Variants in CCNL2 observed in about 807,000 individuals in gnomAD.
CCNL2 encodes the protein cyclin-L2.
A neutral mutation model predicts 59.1 loss-of-function variants in CCNL2; 28 were observed. That is an observed-to-expected ratio of 0.47 (90% CI 0.35 to 0.65). CCNL2 has a LOEUF of 0.65. CCNL2 is among the 30% of genes least tolerant of loss of function. The probability of loss-of-function intolerance (pLI) is 0.00; values close to 1 mark genes in which losing one functional copy is unlikely to be tolerated. For synonymous variants in CCNL2, 342 were observed against 288.6 expected (o/e 1.19, Z -1.88); for missense variants, 714 against 717.4 (o/e 1.00, Z 0.05).
chr1:1,391,103 G>C, intron 5 of CCNL2: 1 of 1,167,394 alleles, frequency 8.6e-7, no homozygotes, highest in Non-Finnish European at 1.1e-6. Flanking sequence ...AAAAAAAAAA[G>C]CTGGCTGAAT....
chr1:1,398,520 T>C, intron 2 of CCNL2, 77 bp downstream of exon 2: 2 of 1,581,668 alleles, frequency 1.3e-6, no homozygotes, highest in Non-Finnish European at 1.7e-6. Context: ...CTCACTCCCT[T>C]AGTAACCGGG....
chr1:1,395,299 C>T, intron 4 of CCNL2, 95 bp downstream of exon 4: 1 of 1,425,220 alleles, frequency 7.0e-7, no homozygotes, highest in Non-Finnish European at 9.7e-7. Context: ...GCACTCAGTC[C>T]TCTTCAGAGC....
chr1:1,398,149 G>A, intron 3 of CCNL2, 84 bp downstream of exon 3: 1 of 1,299,020 alleles, frequency 7.7e-7, no homozygotes, highest in Non-Finnish European at 1.1e-6. Flanking sequence ...GGCCTGTATT[G>A]TGTTATACAA....
chr1:1,391,573 G>C (rs1361162802), intron 5 of CCNL2: 2 of 1,304,730 alleles, frequency 1.5e-6, no homozygotes, highest in Non-Finnish European at 2.0e-6. Flanking sequence ...TTCAACAAGG[G>C]GTCTTAAAAT....
rs80254624 is a variant in CCNL2 at position 1,387,841 on chromosome 1, G to A, written c.1147C>T (p.Arg383Trp). ...GLPKGRESRSRSRSREQSYSR... is the reference protein window; with the variant it reads ...GLPKGRESRSWSRSREQSYSR... Reference sequence around the variant, plus strand: ...TAGCTCTGCTCACGGCTCCGGCTCCGACTCCGACTCTCTCGCCCCTTTGGC... The same window carrying A: ...TAGCTCTGCTCACGGCTCCGGCTCCAACTCCGACTCTCTCGCCCCTTTGGC... The change falls in exon 10 of 11, where the codon CGG becomes TGG. Residue 383 changes from arginine (R) to tryptophan (W), a missense_variant. By Grantham distance (101) the Arg-to-Trp change is moderately radical. This residue lies in a region of CCNL2 where 403 missense variants were observed against 377.7 expected (regional missense o/e 1.07). Transcript: ENST00000400809. The A allele has an allele frequency of 5.0e-6, 8 of 1,613,358 alleles. No individual in the cohort carries two copies. The highest frequency in any genetic ancestry group is 1.7e-5 in the Admixed American group (1 of 59,986).
chr1:1,394,136 A>G (rs1167192488), intron 4 of CCNL2, among the ~76,000 whole-genome samples: 20 of 152,104 alleles, frequency 1.3e-4, no homozygotes, highest in Admixed American at 1.3e-3. Context: ...AAAAAAAAAA[A>G]AAAAGCACTT....
chr1:1,392,206 G>T, intron 5 of CCNL2: 2 of 543,474 alleles, frequency 3.7e-6, no homozygotes, highest in Non-Finnish European at 4.7e-6. Context: ...ACCTTTCGGT[G>T]TCTAATCAAC....
intron 4 of CCNL2, among the ~76,000 whole-genome samples, chr1:1,394,891 T>C (rs1284640702): frequency 6.6e-6 from 1 of 151,564 alleles, no homozygotes; most frequent in Non-Finnish European, 1.5e-5. Context: ...ACCCCGTCTC[T>C]ACTAAAAATA....
intron 3 of CCNL2, 90 bp downstream of exon 3, chr1:1,398,143 T>C (rs1645148631): frequency 3.2e-6 from 4 of 1,246,660 alleles, no homozygotes; most frequent in South Asian, 1.3e-5. Context: ...GCCTCAGGCC[T>C]GTATTGTGTT....
intron 3 of CCNL2, 45 bp from the exon 4 acceptor site, chr1:1,395,559 C>G: frequency 6.2e-7 from 1 of 1,608,958 alleles, no homozygotes; most frequent in South Asian, 1.1e-5. Context: ...TCAAGCAGAG[C>G]AAGGCTTCTG....
chr1:1,398,747 TG>T, intron 1 of CCNL2, 76 bp from the exon 2 acceptor site: 1 of 1,367,524 alleles, frequency 7.3e-7, no homozygotes. Context: ...TCGAGTAACG[TG>T]GGACTCCCCA....
chr1:1,393,078 C>G, intron 5 of CCNL2: 1 of 591,936 alleles, frequency 1.7e-6, no homozygotes. Context: ...CTGCACTAGC[C>G]TGTCCCTCCA....
At chr1:1,396,569 C>A (rs900734322) in intron 3 of CCNL2, among the ~76,000 whole-genome samples, 33 of 114,280 alleles carry the variant, frequency 2.9e-4, no homozygotes, top group Middle Eastern at 5.3e-3. Flanking sequence ...CTCGGCAAGG[C>A]TGTTTTTTTT....
In CCNL2 at chr1:1,398,222, G is replaced by C; in HGVS notation, c.473+11C>G. On this transcript the variant is annotated intron_variant, in intron 3 of 10. Coordinates refer to ENST00000400809, the MANE Select transcript of CCNL2 (RefSeq NM_030937.6). ...CATCTATGATAGACTAGACAGCTCTGACTGACTCACTTTTTGTCTCTCAGC... is the reference window on the plus strand; with the variant it reads ...CATCTATGATAGACTAGACAGCTCTCACTGACTCACTTTTTGTCTCTCAGC... 6.2e-7 allele frequency: 1 copy of C among 1,613,194 alleles called. No homozygotes were observed. Among genetic ancestry groups the C allele is most frequent in the Non-Finnish European group, 8.5e-7 (1 of 1,179,402 alleles).
intron 2 of CCNL2, 56 bp from the exon 3 acceptor site, chr1:1,398,398 C>A: frequency 6.2e-7 from 1 of 1,611,252 alleles, no homozygotes; most frequent in Non-Finnish European, 8.5e-7. Context: ...GGCGTCCTGA[C>A]GGCCGCCAAA....
Position 1,399,196 on chromosome 1 carries a change from G to T in CCNL2, c.111C>A (p.Ile37=). 1.2e-6 allele frequency: 2 copies of T among 1,608,844 alleles called. No homozygotes were observed. The highest frequency in any genetic ancestry group is 1.7e-6 in the Non-Finnish European group (2 of 1,178,370). Residue 37 remains isoleucine, a synonymous_variant, in exon 1 of 11, where the codon ATC becomes ATA. Transcript: ENST00000400809. ...GCACCCCGGAGTACAGCCTGTCCCC[G>T]ATCAGCACCCCCTGCGACCCTGAGG... ...GAPSGSQGVL[I]GDRLYSGVLI... is the part of the protein sequence containing the mutation.
chr1:1,388,772 G>C, intron 8 of CCNL2: 1 of 152,196 alleles, frequency 6.6e-6, no homozygotes, highest in South Asian at 3.9e-5. Flanking sequence ...CTCCGTCTCA[G>C]AAAAAAAAAA....
intron 8 of CCNL2, chr1:1,388,446 A>T: frequency 2.3e-6 from 1 of 443,512 alleles, no homozygotes; most frequent in South Asian, 1.6e-5. Flanking sequence ...GCTTGGACCC[A>T]GGAGGCGGAG....
At position 1,386,507 on chromosome 1, in the gene CCNL2, A is replaced by G. The variant is rs1401536685; in HGVS notation, c.*724T>C. The G allele has an allele frequency of 6.6e-6, 1 of 152,602 alleles. No homozygotes were observed. Among genetic ancestry groups the G allele is most frequent in the Non-Finnish European group, 1.5e-5 (1 of 68,052 alleles). The allele number at this position is 152,602 out of a possible 1,614,324, so 9.5% of individuals were successfully genotyped here. On this transcript the variant is annotated 3_prime_UTR_variant, in exon 11 of 11. Transcript: ENST00000400809. The stretch of plus-strand genomic sequence containing the variant: ...AACGCTCCGGATGTCCTGAGTGGAG[A>G]GAGTTGTGTTTATTCACCATGTCAT...
Sources: gnomAD v4.1 joint callset for allele counts (sites outside exome capture counted in the v4.1 genomes callset) on GRCh38, gnomAD v4.1.1 for gene constraint, gnomAD v4.1.1 regional missense constraint, MANE v1.5 for transcripts, NCBI Gene and HGNC (gene_info 2026-07-23, HGNC 2026-07-21) for gene names.